Variants in CNTN3 observed in about 807,000 individuals in gnomAD.
The protein encoded by CNTN3 is contactin-3.
A neutral mutation model predicts 119.1 loss-of-function variants in CNTN3; 60 were observed. That is an observed-to-expected ratio of 0.50 (90% CI 0.41 to 0.62). The LOEUF is 0.62. Among genes scored for constraint, CNTN3 ranks in the 20% least tolerant of loss-of-function variants. The pLI, the probability that CNTN3 is intolerant of heterozygous loss-of-function variation, is 0.00. For synonymous variants in CNTN3, 450 were observed against 438.7 expected, an observed-to-expected ratio of 1.03 and a Z score of -0.32; for missense variants, 1,101 against 1,242.4, an observed-to-expected ratio of 0.89 and a Z score of 1.71.
intron 5 of CNTN3, among the ~76,000 whole-genome samples, chr3:74,413,423 T>G (rs1242367439): frequency 6.6e-6 from 1 of 152,224 alleles, no homozygotes; most frequent in African/African-American, 2.4e-5. Flanking sequence ...AAAATGTGTC[T>G]GTGTCTAATG....
chr3:74,339,491 C>A (rs1201019089), intron 11 of CNTN3, among the ~76,000 whole-genome samples: 1 of 152,146 alleles, frequency 6.6e-6, no homozygotes, highest in African/African-American at 2.4e-5. Context: ...TTTCCTGAAA[C>A]CATGAGTTAG....
intron 5 of CNTN3, among the ~76,000 whole-genome samples, chr3:74,421,073 C>T (rs1371211090): frequency 6.6e-6 from 1 of 152,214 alleles, no homozygotes; most frequent in Non-Finnish European, 1.5e-5. Context: ...AAAAGAATCT[C>T]ACTAGCAGGT....
chr3:74,440,483 C>A (rs200604081), intron 4 of CNTN3, among the ~76,000 whole-genome samples: 46 of 141,878 alleles, frequency 3.2e-4, no homozygotes, highest in South Asian at 7.0e-4. Flanking sequence ...AAGCAAATAG[C>A]AAAAAAAAAA....
chr3:74,402,031 C>T (rs1048387603), intron 5 of CNTN3, among the ~76,000 whole-genome samples: 7 of 152,178 alleles, frequency 4.6e-5, no homozygotes, highest in African/African-American at 1.4e-4. Flanking sequence ...GGAACAGAGG[C>T]CTGTGAAATG....
chr3:74,281,459 T>C (rs1046087229), intron 20 of CNTN3, among the ~76,000 whole-genome samples: 3 of 152,074 alleles, frequency 2.0e-5, no homozygotes, highest in Non-Finnish European at 4.4e-5. Flanking sequence ...CTCAGCCTCC[T>C]GAGTAGCTGG....
At chr3:74,593,801 C>A (rs1704743300) in intron 1 of CNTN3, among the ~76,000 whole-genome samples, 1 of 151,862 alleles carries the variant, frequency 6.6e-6, no homozygotes, top group African/African-American at 2.4e-5. Context: ...TAAGAGGAAG[C>A]CCACTGTGTG....
chr3:74,491,543 G>A (rs1450444871), intron 3 of CNTN3, among the ~76,000 whole-genome samples: 2 of 152,010 alleles, frequency 1.3e-5, no homozygotes, highest in Non-Finnish European at 2.9e-5. Flanking sequence ...AAAACTTGAA[G>A]GGATACGCAG....
At chr3:74,571,057 C>T (rs1265486413) in intron 1 of CNTN3, among the ~76,000 whole-genome samples, 1 of 152,124 alleles carries the variant, frequency 6.6e-6, no homozygotes, top group Non-Finnish European at 1.5e-5. Context: ...AGTGCATTTG[C>T]AAAGATAAGT....
chr3:74,492,310 A>G (rs1026960319), intron 3 of CNTN3, among the ~76,000 whole-genome samples: 27 of 152,120 alleles, frequency 1.8e-4, no homozygotes, highest in African/African-American at 6.0e-4. Context: ...TCAGAGAGAA[A>G]TATTTGGGGT....
chr3:74,413,279 ATCTT>A (rs1701468053), intron 5 of CNTN3, among the ~76,000 whole-genome samples: 1 of 152,210 alleles, frequency 6.6e-6, no homozygotes, highest in South Asian at 2.1e-4. Context: ...TAGGAAATCA[ATCTT>A]TATTCTTAGA....
intron 5 of CNTN3, among the ~76,000 whole-genome samples, chr3:74,391,217 A>AGC (rs1271767053): frequency 2.0e-5 from 3 of 152,178 alleles, no homozygotes; most frequent in Non-Finnish European, 4.4e-5. Context: ...AGTTTTTCAG[A>AGC]TTAAAGAAGA....
chr3:74,355,398 A>C (rs1312274243), intron 11 of CNTN3, among the ~76,000 whole-genome samples: 4 of 151,886 alleles, frequency 2.6e-5, no homozygotes, highest in Non-Finnish European at 5.9e-5. Flanking sequence ...CTAATGAGGG[A>C]TCTTGCTTTC....
At chr3:74,546,358 T>C (rs113508313) in intron 1 of CNTN3, among the ~76,000 whole-genome samples, 2,463 of 152,244 alleles carry the variant, frequency 0.016, 62 homozygotes, top group African/African-American at 0.055. Flanking sequence ...CTTGATTGGA[T>C]TGAATGATGC....
chr3:74,551,811 T>G (rs1703996066), intron 1 of CNTN3, among the ~76,000 whole-genome samples: 1 of 133,778 alleles, frequency 7.5e-6, no homozygotes, highest in South Asian at 2.8e-4. Flanking sequence ...TTGCCCAGGC[T>G]GGAGTGCAGT....
chr3:74,347,665 A>T (rs1215611734), intron 11 of CNTN3, among the ~76,000 whole-genome samples: 1 of 152,094 alleles, frequency 6.6e-6, no homozygotes, highest in African/African-American at 2.4e-5. Context: ...TGAAGAAGAG[A>T]CCATGTCTGT....
chr3:74,307,825 A>T (rs1702595817), intron 13 of CNTN3, among the ~76,000 whole-genome samples: 1 of 152,220 alleles, frequency 6.6e-6, no homozygotes, highest in African/African-American at 2.4e-5. Context: ...TGAATTCGCT[A>T]GTAAGCAATC....
chr3:74,610,173 A>C (rs891813550), intron 1 of CNTN3, among the ~76,000 whole-genome samples: 2 of 152,028 alleles, frequency 1.3e-5, no homozygotes, highest in African/African-American at 4.8e-5. Flanking sequence ...AAATCCAAAA[A>C]TTAGCCAGGG....
At chr3:74,328,575 G>T (rs895720768) in intron 13 of CNTN3, among the ~76,000 whole-genome samples, 6 of 152,058 alleles carry the variant, frequency 3.9e-5, no homozygotes, top group African/African-American at 1.4e-4. Flanking sequence ...TACCTTACAG[G>T]ATTTCCACTG....
intron 5 of CNTN3, among the ~76,000 whole-genome samples, chr3:74,399,945 TGG>T (rs1705152171): frequency 6.6e-6 from 1 of 152,172 alleles, no homozygotes; most frequent in African/African-American, 2.4e-5. Context: ...AAGGCAACCA[TGG>T]TGTCTTACTG....
Sources: allele counts gnomAD v4.1 joint callset (sites outside exome capture counted in the v4.1 genomes callset), GRCh38; gene constraint gnomAD v4.1.1; transcripts MANE v1.5; gene names NCBI Gene and HGNC (gene_info 2026-07-23, HGNC 2026-07-21).